LHX6: variants seen among roughly 807,000 people sequenced by gnomAD.
LHX6 encodes LIM/homeobox protein Lhx6.
A neutral mutation model predicts 47.1 loss-of-function variants in LHX6; 15 were observed. The observed-to-expected ratio is 0.32, with a 90% confidence interval of 0.21 to 0.49. The LOEUF (loss-of-function observed/expected upper bound fraction) is 0.49, where lower values mean the gene tolerates loss of function less well. LHX6 is among the 20% of genes least tolerant of loss of function. The probability of loss-of-function intolerance (pLI) is 0.99; values close to 1 mark genes in which losing one functional copy is unlikely to be tolerated. For missense variants in LHX6, 404 were observed against 539.6 expected (o/e 0.75, Z 2.49); for synonymous variants, 242 against 233.5 (o/e 1.04, Z -0.33).
intron 1 of LHX6, chr9:122,228,304 T>A (rs1190356219): frequency 2.0e-5 from 31 of 1,534,244 alleles, no homozygotes; most frequent in Non-Finnish European, 2.7e-5. Flanking sequence ...GCGCGCCGGG[T>A]ACCGGCCCCG....
rs1281906070 is a variant in LHX6, at chr9:122,228,353, C to A, written c.84+304G>T. 3.3e-6 allele frequency: 5 copies of A among 1,531,344 alleles called. No individual in the cohort carries two copies. In the East Asian group the frequency reaches 7.4e-5, roughly 23 times the overall value. 94.9% of individuals were successfully genotyped at this position (1,531,344 alleles called of 1,614,324 possible). A position where few individuals can be genotyped will look rare whatever the true frequency, so the allele number is the denominator to read the frequency against. ...AGCGCTGCGCCGGCACAACCCCCGGCGCATCGGCGCTATCAGCGCCTATTC... is the reference window on the plus strand; with the variant it reads ...AGCGCTGCGCCGGCACAACCCCCGGAGCATCGGCGCTATCAGCGCCTATTC... On this transcript the variant is annotated intron_variant, in intron 1 of 9. Transcript: ENST00000394319.
Position 122,217,249 on chromosome 9 carries a change from G to T in LHX6, c.501C>A (p.Ile167=), listed in dbSNP as rs1402528887. The T allele has an allele frequency of 4.3e-6, 7 of 1,613,808 alleles. No homozygotes were observed. Among genetic ancestry groups the T allele is most frequent in the Non-Finnish European group, 5.9e-6 (7 of 1,180,014 alleles). ...CTCTCCGCACCCAGTCGCTGGCGTA[G>T]ATCTGTCGGCCGCACCGGGCACACT... ...GTKCARCGRQ[I]YASDWVRRAR... is the part of the protein sequence containing the mutation. Residue 167 remains isoleucine, a synonymous_variant, in exon 5 of 10, where the codon ATC becomes ATA. Transcript: ENST00000394319. This position sits in a 1 kb window ranked among gnomAD's most constrained non-coding sequence, Gnocchi z 4.9.
intron 1 of LHX6, chr9:122,228,368 A>G: frequency 6.5e-7 from 1 of 1,529,272 alleles, no homozygotes; most frequent in Non-Finnish European, 8.7e-7. Context: ...CGGCGCTATC[A>G]GCGCCTATTC....
At chr9:122,212,718 T>C (rs922821145) in intron 8 of LHX6, among the ~76,000 whole-genome samples, 3 of 152,122 alleles carry the variant, frequency 2.0e-5, no homozygotes, top group Non-Finnish European at 4.4e-5. Context: ...CCCCTGCATC[T>C]CCGCCACAGT....
At chr9:122,208,983 G>A (rs183197228) in intron 9 of LHX6, among the ~76,000 whole-genome samples, 174 of 152,304 alleles carry the variant, frequency 1.1e-3, no homozygotes, top group Admixed American at 2.6e-3. Flanking sequence ...GAGCTGGGAG[G>A]GAGGTAAGTC....
intron 4 of LHX6, among the ~76,000 whole-genome samples, chr9:122,218,292 C>A (rs1448542970): frequency 2.0e-5 from 3 of 152,116 alleles, no homozygotes; most frequent in African/African-American, 7.2e-5. Flanking sequence ...CTGTCCCAAC[C>A]CTAGCAGCCT....
Position 122,213,873 on chromosome 9 carries a change from G to C in LHX6, c.880-93C>G, listed in dbSNP as rs2274748. 0.34 allele frequency: 511,231 copies of C among 1,515,948 alleles called. 89,451 individuals are homozygous for C. The highest frequency in any genetic ancestry group is 0.37 in the Middle Eastern group (2,148 of 5,820). The allele number at this position is 1,515,948 out of a possible 1,614,324, so 93.9% of individuals were successfully genotyped here. On this transcript the variant is annotated intron_variant, in intron 7 of 9. Transcript: ENST00000394319. This position sits in a 1 kb window ranked among gnomAD's most constrained non-coding sequence, Gnocchi z 5.5. The stretch of plus-strand genomic sequence containing the variant: ...GGCGGGACTGCCTCGTCGCCTCCTG[G>C]AGAAGGATGGCCACGTGCACGCACC...
intron 5 of LHX6, among the ~76,000 whole-genome samples, chr9:122,216,428 C>T (rs990116328): frequency 3.3e-5 from 5 of 152,192 alleles, no homozygotes; most frequent in African/African-American, 4.8e-5. Flanking sequence ...TCATTCTAGT[C>T]CAGTATCTGT....
In LHX6 at chr9:122,213,669, G is replaced by A; in HGVS notation, c.991C>T (p.His331Tyr). The A allele has an allele frequency of 1.9e-6, 3 of 1,612,390 alleles. No individual in the cohort carries two copies. The highest frequency in any genetic ancestry group is 2.5e-6 in the Non-Finnish European group (3 of 1,179,762). The change falls in exon 8 of 10, where the codon CAC (histidine) becomes TAC (tyrosine). Residue 331 changes from histidine to tyrosine, a missense_variant. Physicochemically the swap from His to Tyr is moderately conservative, Grantham distance 83. This residue lies in a region of LHX6 where 127 missense variants were observed against 116.1 expected (regional missense o/e 1.09). Transcript: ENST00000394319. The surrounding 1 kb of genome is among the most constrained non-coding windows in gnomAD (Gnocchi z 5.5). ...TCGGGGCTGCTGAACGGGGTGTAGT[G>A]GATGTCGTCGGACAGGGCGGAGGGA... ...RLPSALSDDI[H>Y]YTPFSSPERA...
At chr9:122,211,512 T>C (rs1830398050) in intron 8 of LHX6, among the ~76,000 whole-genome samples, 1 of 152,244 alleles carries the variant, frequency 6.6e-6, no homozygotes, top group Non-Finnish European at 1.5e-5. Flanking sequence ...GGTCTGGTTC[T>C]AACACTTTCA....
rs1830092145 is a variant in LHX6 at position 122,204,410 on chromosome 9, G to A, written c.*350C>T. ...GTGGGGGAAAAAAACCTGTAAATGAGAAGGCCGTTGGCATCGCACAATTCA... is the reference window on the plus strand; with the variant it reads ...GTGGGGGAAAAAAACCTGTAAATGAAAAGGCCGTTGGCATCGCACAATTCA... On this transcript the variant is annotated 3_prime_UTR_variant, in exon 10 of 10. Transcript: ENST00000394319. 2 of 350,912 alleles carry A rather than the reference G, an allele frequency of 5.7e-6. No homozygotes were observed. Among genetic ancestry groups the A allele is most frequent in the East Asian group, 8.4e-5 (2 of 23,814 alleles). The allele number at this position is 350,912 out of a possible 1,614,324, so 21.7% of individuals were successfully genotyped here. A position where few individuals can be genotyped will look rare whatever the true frequency, so the allele number is the denominator to read the frequency against.
Position 122,217,579 on chromosome 9 carries a change from A to G in LHX6, c.462-291T>C, listed in dbSNP as rs532126628. ...TTGTTAAAAATACATCACAAGTTAG[A>G]AAAAACACAATAATAGTAATAATAA... On this transcript the variant is annotated intron_variant, in intron 4 of 9. Coordinates refer to ENST00000394319, the MANE Select transcript of LHX6 (RefSeq NM_014368.5). This position sits in a 1 kb window ranked among gnomAD's most constrained non-coding sequence, Gnocchi z 4.9. 6.6e-6 allele frequency among the ~76,000 whole-genome samples: 1 copy of G among 152,384 alleles called. No homozygotes were observed. Among genetic ancestry groups the G allele is most frequent in the East Asian group, 1.9e-4 (1 of 5,190 alleles).
At position 122,228,684 on chromosome 9, in the gene LHX6, C is replaced by T. The variant is rs754032975; in HGVS notation, c.57G>A (p.Pro19=). 13 of 1,287,774 alleles carry T rather than the reference C, an allele frequency of 1.0e-5. No individual in the cohort carries two copies. The South Asian group carries it at 3.5e-4, about 34-fold the overall frequency. The allele number at this position is 1,287,774 out of a possible 1,614,324, so 79.8% of individuals were successfully genotyped here. The part of the protein sequence containing the change: ...APALPEGCRL[P]AEGGPATDQV... Reference sequence around the variant, plus strand: ...GGTCGGTGGCGGGGCCGCCCTCGGCCGGCAGCCGGCAGCCCTCGGGCAACG... The same window carrying T: ...GGTCGGTGGCGGGGCCGCCCTCGGCTGGCAGCCGGCAGCCCTCGGGCAACG... The change falls in exon 1 of 10, where the codon CCG becomes CCA. Residue 19 remains proline, a synonymous_variant. Transcript: ENST00000394319.
Position 122,226,231 on chromosome 9 carries a change from C to G in LHX6, c.461+145G>C. The G allele has an allele frequency of 9.1e-7, 1 of 1,095,694 alleles. No homozygotes were observed. The highest frequency in any genetic ancestry group is 1.6e-5 in the South Asian group (1 of 61,242). 67.9% of individuals were successfully genotyped at this position (1,095,694 alleles called of 1,614,324 possible). A position where few individuals can be genotyped will look rare whatever the true frequency, so the allele number is the denominator to read the frequency against. ...GCTCTGGGTTCGCGCCGCTGAGCGC[C>G]GGCAGGTTGGACCAGCGCTGCGCGC... On this transcript the variant is annotated intron_variant, in intron 4 of 9. Coordinates refer to ENST00000394319, the MANE Select transcript of LHX6 (RefSeq NM_014368.5). The surrounding 1 kb of genome is among the most constrained non-coding windows in gnomAD (Gnocchi z 6.5).
chr9:122,214,418 C>T lies in LHX6; in HGVS notation c.683-35G>A, dbSNP rs759109852. The T allele has an allele frequency of 2.6e-6, 4 of 1,521,986 alleles. No individual in the cohort carries two copies. Among genetic ancestry groups the T allele is most frequent in the Non-Finnish European group, 2.6e-6 (3 of 1,139,934 alleles). 94.3% of individuals were successfully genotyped at this position (1,521,986 alleles called of 1,614,324 possible). A position where few individuals can be genotyped will look rare whatever the true frequency, so the allele number is the denominator to read the frequency against. ...ATAGAAGCAGCTGACCACGCGTCCC[C>T]ATCTCTTCTAGTGGCAGCCTGGAAA... On this transcript the variant is annotated intron_variant, in intron 5 of 9. Transcript: ENST00000394319. This position sits in a 1 kb window ranked among gnomAD's most constrained non-coding sequence, Gnocchi z 4.6.
At position 122,213,705 on chromosome 9, in the gene LHX6, G is replaced by A. The variant is rs983219818; in HGVS notation, c.955C>T (p.Pro319Ser). 1.2e-6 allele frequency: 2 copies of A among 1,612,720 alleles called. No homozygotes were observed. Among genetic ancestry groups the A allele is most frequent in the Admixed American group, 1.7e-5 (1 of 59,982 alleles). ...GACAGGGCGGAGGGAAGGCGGGACGGGGGCGCCCCCGAGGGCGGCACTGGG... is the reference window on the plus strand; with the variant it reads ...GACAGGGCGGAGGGAAGGCGGGACGAGGGCGCCCCCGAGGGCGGCACTGGG... ...QHPVPPSGAP[P>S]SRLPSALSDD... The change falls in exon 8 of 10, where the codon CCG becomes TCG. Residue 319 changes from proline to serine, a missense_variant. By Grantham distance (74) the Pro-to-Ser change is moderately conservative. Transcript: ENST00000394319. The surrounding 1 kb of genome is among the most constrained non-coding windows in gnomAD (Gnocchi z 5.5).
Position 122,228,451 on chromosome 9 carries a change from T to G in LHX6, c.84+206A>C, listed in dbSNP as rs558104494. 15 of 1,432,314 alleles carry G rather than the reference T, an allele frequency of 1.0e-5. No homozygotes were observed. In the South Asian group the frequency reaches 1.1e-4, roughly 11 times the overall value. The allele number at this position is 1,432,314 out of a possible 1,614,324, so 88.7% of individuals were successfully genotyped here. On this transcript the variant is annotated intron_variant, in intron 1 of 9. Transcript: ENST00000394319. Reference sequence around the variant, plus strand: ...ACTAAATCGCTTTTTGAGAAATTCCTCCAACATTTGCATAATGTGTTCCCG... The same window carrying G: ...ACTAAATCGCTTTTTGAGAAATTCCGCCAACATTTGCATAATGTGTTCCCG...
chr9:122,227,171 G>T, intron 2 of LHX6, 141 bp from the exon 3 acceptor site: 2 of 844,822 alleles, frequency 2.4e-6, no homozygotes, highest in Non-Finnish European at 3.5e-6. Flanking sequence ...GAAGGACAGG[G>T]ATGGAAGGGC....
At chr9:122,223,428 T>A (rs1690986367) in intron 4 of LHX6, among the ~76,000 whole-genome samples, 1 of 152,226 alleles carries the variant, frequency 6.6e-6, no homozygotes. Flanking sequence ...AATGCCATCA[T>A]GGGCTTGTGC....
Sources: allele counts gnomAD v4.1 joint callset (sites outside exome capture counted in the v4.1 genomes callset), GRCh38; gene constraint gnomAD v4.1.1; regional missense constraint gnomAD v4.1.1; non-coding constraint Gnocchi (gnomAD v3.1); transcripts MANE v1.5; gene names NCBI Gene and HGNC (gene_info 2026-07-23, HGNC 2026-07-21).